SLCO1C1: variants seen among roughly 807,000 people sequenced by gnomAD.
SLCO1C1 encodes solute carrier organic anion transporter family member 1C1.
In SLCO1C1, 70 loss-of-function variants were observed where a neutral mutation model predicts 76.4. The ratio of observed to expected loss-of-function variants is 0.92; its 90% CI spans 0.76 to 1.12. The LOEUF is 1.12. Among genes scored for constraint, SLCO1C1 ranks in the 50% most tolerant of loss-of-function variants. The pLI, the probability that SLCO1C1 is intolerant of heterozygous loss-of-function variation, is 0.00. For missense variants in SLCO1C1, 912 were observed against 823.8 expected, an observed-to-expected ratio of 1.11 and a Z score of -1.31; for synonymous variants, 306 against 286.1, an observed-to-expected ratio of 1.07 and a Z score of -0.70.
chr12:20,730,900 G>T (rs1196861394), intron 9 of SLCO1C1, among the ~76,000 whole-genome samples: 1 of 152,116 alleles, frequency 6.6e-6, no homozygotes, highest in Admixed American at 6.5e-5. Flanking sequence ...TGGGCCAGGG[G>T]GCTGCCGGCA....
At chr12:20,700,725 T>A (rs956181697) in intron 2 of SLCO1C1, among the ~76,000 whole-genome samples, 1 of 152,038 alleles carries the variant, frequency 6.6e-6, no homozygotes, top group Non-Finnish European at 1.5e-5. Flanking sequence ...TCCCTATGAA[T>A]GTTCTATCAC....
At chr12:20,733,564 G>A (rs1031287199) in intron 10 of SLCO1C1, among the ~76,000 whole-genome samples, 5 of 152,166 alleles carry the variant, frequency 3.3e-5, no homozygotes, top group African/African-American at 1.2e-4. Context: ...CAAGCTAAAT[G>A]TGCCATTCAT....
At chr12:20,696,450 T>C (rs1400134974) in intron 1 of SLCO1C1, among the ~76,000 whole-genome samples, 1 of 152,134 alleles carries the variant, frequency 6.6e-6, no homozygotes, top group East Asian at 1.9e-4. Flanking sequence ...TGAGTACATC[T>C]GCGGGATCTA....
Position 20,695,777 on chromosome 12 carries a change from G to A in SLCO1C1, c.-56G>A, listed in dbSNP as rs1479605378. 3 of 152,052 alleles carry A rather than the reference G, an allele frequency of 2.0e-5. No individual in the cohort carries two copies. The highest frequency in any genetic ancestry group is 4.4e-5 in the Non-Finnish European group (3 of 68,006). 9.4% of individuals were successfully genotyped at this position (152,052 alleles called of 1,614,324 possible). ...CATCCTCTTGCTGAGCACATTGAAA[G>A]GAACTGGCTATCTTTGATCTCTTCC... On this transcript the variant is annotated 5_prime_UTR_variant, in exon 1 of 15. Coordinates refer to ENST00000266509, the MANE Select transcript of SLCO1C1 (RefSeq NM_017435.5).
At chr12:20,718,001 A>G (rs1247759580) in intron 7 of SLCO1C1, among the ~76,000 whole-genome samples, 2 of 152,106 alleles carry the variant, frequency 1.3e-5, no homozygotes, top group African/African-American at 4.8e-5. Context: ...CATTTAAATC[A>G]AATAAACTAC....
At chr12:20,727,908 G>A (rs1320683272) in intron 9 of SLCO1C1, among the ~76,000 whole-genome samples, 1 of 152,162 alleles carries the variant, frequency 6.6e-6, no homozygotes, top group Non-Finnish European at 1.5e-5. Context: ...TCCTTATAGT[G>A]TCTGGATATT....
At chr12:20,750,642 GT>G (rs776636207) in intron 13 of SLCO1C1, 32 bp from the exon 14 acceptor site, 3 of 1,585,158 alleles carry the variant, frequency 1.9e-6, no homozygotes, top group African/African-American at 1.3e-5. Flanking sequence ...ATGTGCATAT[GT>G]TTTTAACAGC....
At chr12:20,707,850 C>T (rs941618114) in intron 4 of SLCO1C1, among the ~76,000 whole-genome samples, 1 of 152,012 alleles carries the variant, frequency 6.6e-6, no homozygotes, top group East Asian at 1.9e-4. Flanking sequence ...AAAAGAAGGT[C>T]GGACAACCAG....
intron 5 of SLCO1C1, among the ~76,000 whole-genome samples, chr12:20,713,576 T>A (rs1342580822): frequency 6.6e-6 from 1 of 152,164 alleles, no homozygotes; most frequent in Admixed American, 6.5e-5. Context: ...TCCCTTAAAG[T>A]CTGTTTCGTT....
intron 13 of SLCO1C1, among the ~76,000 whole-genome samples, chr12:20,744,540 A>G (rs113027463): frequency 6.6e-6 from 1 of 152,116 alleles, no homozygotes; most frequent in Non-Finnish European, 1.5e-5. Flanking sequence ...TGGAAAAATA[A>G]ATGTAATTGC....
intron 9 of SLCO1C1, among the ~76,000 whole-genome samples, chr12:20,730,257 G>C (rs1169736521): frequency 1.3e-5 from 2 of 152,150 alleles, no homozygotes; most frequent in East Asian, 3.9e-4. Context: ...CTTTGGCTTT[G>C]TGGAAGGCAT....
intron 14 of SLCO1C1, 198 bp downstream of exon 14, chr12:20,750,990 C>T (rs1384153244): frequency 8.0e-6 from 8 of 995,724 alleles, no homozygotes; most frequent in Non-Finnish European, 1.5e-6. Context: ...TATTCATTAC[C>T]TTGACCCCCA....
chr12:20,733,808 T>C (rs569060112), intron 10 of SLCO1C1, among the ~76,000 whole-genome samples: 1 of 152,260 alleles, frequency 6.6e-6, no homozygotes, highest in South Asian at 2.1e-4. Flanking sequence ...GGTGATTACA[T>C]TGCTTGGTTT....
At chr12:20,700,325 G>A (rs1051795500) in intron 2 of SLCO1C1, 6 of 151,728 alleles carry the variant, frequency 4.0e-5, no homozygotes, top group African/African-American at 1.2e-4. Flanking sequence ...GTGATGTTGA[G>A]CACCTTTTTC....
In SLCO1C1 at chr12:20,711,564, A is replaced by G. The variant is rs191176483; in HGVS notation, c.529+54A>G. 8.4e-4 allele frequency: 1,337 copies of G among 1,583,684 alleles called. 1 individual carries two copies. Among genetic ancestry groups the G allele is most frequent in the Non-Finnish European group, 7.3e-4 (847 of 1,162,552 alleles). ...CAAGCTTTTAAAAAAAAGACTTTAT[A>G]TGTGCTTTAGGATGGACAAAAGTGT... is the stretch of plus-strand genomic sequence containing the variant. On this transcript the variant is annotated intron_variant, in intron 5 of 14. Coordinates refer to ENST00000266509, the MANE Select transcript of SLCO1C1 (RefSeq NM_017435.5).
intron 9 of SLCO1C1, 103 bp from the exon 10 acceptor site, chr12:20,732,806 T>A: frequency 8.3e-7 from 1 of 1,198,016 alleles, no homozygotes; most frequent in Admixed American, 2.3e-5. Context: ...TAGTGACTAT[T>A]TCTATAATTT....
At chr12:20,710,625 A>AG (rs1412416200) in intron 4 of SLCO1C1, among the ~76,000 whole-genome samples, 10 of 152,162 alleles carry the variant, frequency 6.6e-5, no homozygotes, top group Non-Finnish European at 1.2e-4. Flanking sequence ...CACAGGGGAA[A>AG]GGGTGGAATT....
chr12:20,708,601 G>T (rs1421111678), intron 4 of SLCO1C1, among the ~76,000 whole-genome samples: 2 of 152,146 alleles, frequency 1.3e-5, no homozygotes, highest in African/African-American at 4.8e-5. Flanking sequence ...CAGTCATGTG[G>T]ATATCTGGGA....
chr12:20,740,284 T>C lies in SLCO1C1; in HGVS notation c.1649T>C (p.Met550Thr). ...CAGAAAGACAATGGATGTCCCCAAA[T>C]GTTTCTGTATTTCCTTGTAATTTCA... ...RCQKDNGCPQ[M>T]FLYFLVISVI... Residue 550 changes from methionine to threonine, a missense_variant, in exon 12 of 15, where the codon ATG (methionine) becomes ACG (threonine). Transcript: ENST00000266509. 1 of 1,613,996 alleles carries C rather than the reference T, an allele frequency of 6.2e-7. No homozygotes were observed. Among genetic ancestry groups the C allele is most frequent in the Non-Finnish European group, 8.5e-7 (1 of 1,179,960 alleles).
Sources: gnomAD v4.1 joint callset for allele counts (sites outside exome capture counted in the v4.1 genomes callset) on GRCh38, gnomAD v4.1.1 for gene constraint, MANE v1.5 for transcripts, NCBI Gene and HGNC (gene_info 2026-07-23, HGNC 2026-07-21) for gene names.